INTS6: variants seen among roughly 807,000 people sequenced by gnomAD.
INTS6 encodes the protein DEAD box protein.
In INTS6, 16 loss-of-function variants were observed where a neutral mutation model predicts 104.9. The observed-to-expected ratio is 0.15, with a 90% CI of 0.10 to 0.23. The LOEUF (loss-of-function observed/expected upper bound fraction) is 0.23, where lower values mean the gene tolerates loss of function less well. Among genes scored for constraint, INTS6 ranks in the 10% least tolerant of loss-of-function variants. The pLI is 1.00. For synonymous variants in INTS6, 324 were observed against 358.7 expected, an observed-to-expected ratio of 0.90 and a Z score of 1.09; for missense variants, 584 against 1,062.8, an observed-to-expected ratio of 0.55 and a Z score of 6.26.
At chr13:51,353,620 CG>C (rs767834272), downstream of INTS6, among the ~76,000 whole-genome samples, 2 of 152,118 alleles carry the variant, frequency 1.3e-5, no homozygotes, top group Admixed American at 1.3e-4. Context: ...AAGAAAATTT[CG>C]TAAGAGATAG....
At chr13:51,449,155 A>G (rs1476399726) in intron 3 of INTS6, 1 of 152,208 alleles carries the variant, frequency 6.6e-6, no homozygotes, top group Non-Finnish European at 1.5e-5. Flanking sequence ...TGCTAGTGTC[A>G]TTTTTAATGT....
chr13:51,381,003 G>A (rs569673916), intron 10 of INTS6, among the ~76,000 whole-genome samples: 6 of 151,844 alleles, frequency 4.0e-5, no homozygotes, highest in South Asian at 4.2e-4. Flanking sequence ...GACTGAAAAC[G>A]TTAGGAAAAA....
intron 4 of INTS6, among the ~76,000 whole-genome samples, chr13:51,423,847 T>TA (rs1157012846): frequency 6.6e-6 from 1 of 151,920 alleles, no homozygotes; most frequent in Non-Finnish European, 1.5e-5. Flanking sequence ...TTGTGTAGCT[T>TA]AAAAAAAATT....
chr13:51,375,147 G>T (rs1194420836), intron 13 of INTS6, among the ~76,000 whole-genome samples: 12 of 151,992 alleles, frequency 7.9e-5, no homozygotes, highest in Admixed American at 7.9e-4. Flanking sequence ...TTGAGGTAAG[G>T]AATGAGACCA....
At chr13:51,344,825 C>G in the INTS6 span, among the ~76,000 whole-genome samples, 1 of 152,192 alleles carries the variant, frequency 6.6e-6, no homozygotes. Context: ...CGACTGAGCT[C>G]TGCTCTCATT....
Position 51,453,035 on chromosome 13 carries a change from G to A in INTS6, c.-510C>T. On this transcript the variant is annotated 5_prime_UTR_variant, in exon 1 of 18. Transcript: ENST00000311234. ...TTTCTCAGCCCCTCTCGCTACTGAA[G>A]CGCTTTTCTCTCTCACACTCCGGTT... 9.9e-7 allele frequency: 1 copy of A among 1,009,386 alleles called. No homozygotes were observed. Among genetic ancestry groups the A allele is most frequent in the Non-Finnish European group, 1.2e-6 (1 of 844,984 alleles). 62.5% of individuals were successfully genotyped at this position (1,009,386 alleles called of 1,614,324 possible).
At chr13:51,383,205 C>T in intron 9 of INTS6, 124 bp downstream of exon 9, 1 of 779,362 alleles carries the variant, frequency 1.3e-6, no homozygotes, top group Non-Finnish European at 1.9e-6. Context: ...TAAAGATGTT[C>T]AACATTTTAG....
chr13:51,336,929 A>G, the INTS6 span, among the ~76,000 whole-genome samples: 10 of 152,260 alleles, frequency 6.6e-5, no homozygotes, highest in African/African-American at 2.4e-4. Flanking sequence ...TGTTGCAGCT[A>G]TCAGCCGGGA....
chr13:51,428,216 G>A (rs1440225051), intron 4 of INTS6, among the ~76,000 whole-genome samples: 1 of 151,656 alleles, frequency 6.6e-6, no homozygotes, highest in African/African-American at 2.4e-5. Flanking sequence ...ACATTCAAAA[G>A]ACTTTTAATT....
chr13:51,362,218 C>T lies in INTS6; in HGVS notation c.*3534G>A, dbSNP rs1298018083. 1.9e-6 allele frequency: 1 copy of T among 538,106 alleles called. No homozygotes were observed. The highest frequency in any genetic ancestry group is 2.9e-6 in the Non-Finnish European group (1 of 341,052). The allele number at this position is 538,106 out of a possible 1,614,324, so 33.3% of individuals were successfully genotyped here. A position where few individuals can be genotyped will look rare whatever the true frequency, so the allele number is the denominator to read the frequency against. On this transcript the variant is annotated 3_prime_UTR_variant, in exon 18 of 18. Transcript: ENST00000311234. ...AAAGTAAAATAAATTATAAATCTTGCCCTTTTTTCCCTTTGTCCCCTAGCT... is the reference window on the plus strand; with the variant it reads ...AAAGTAAAATAAATTATAAATCTTGTCCTTTTTTCCCTTTGTCCCCTAGCT...
intron 3 of INTS6, chr13:51,444,950 C>T (rs1952879056): frequency 1.3e-5 from 2 of 151,690 alleles, no homozygotes; most frequent in South Asian, 4.2e-4. Context: ...TAAATTATAC[C>T]ACCATTAAAT....
At chr13:51,411,890 A>G (rs1374270091) in intron 4 of INTS6, among the ~76,000 whole-genome samples, 2 of 152,262 alleles carry the variant, frequency 1.3e-5, no homozygotes, top group African/African-American at 2.4e-5. Flanking sequence ...TAGCTTATTC[A>G]TAATGGTCAA....
intron 3 of INTS6, among the ~76,000 whole-genome samples, chr13:51,432,755 T>C (rs1288451594): frequency 6.6e-6 from 1 of 152,202 alleles, no homozygotes; most frequent in Non-Finnish European, 1.5e-5. Context: ...GCTGGGCTAC[T>C]AGAGTATAAA....
At chr13:51,393,267 G>A (rs1428730052) in intron 5 of INTS6, among the ~76,000 whole-genome samples, 6 of 151,932 alleles carry the variant, frequency 3.9e-5, no homozygotes, top group Admixed American at 1.3e-4. Flanking sequence ...TAGTAGAGAC[G>A]GGGTTTCACC....
In INTS6 at chr13:51,412,558, C is replaced by T. The variant is rs192179813; in HGVS notation, c.430-17075G>A. On this transcript the variant is annotated intron_variant, in intron 4 of 17. Transcript: ENST00000311234. ...AGGTGCTGAGGCTCACAAGCGCACA[C>T]GTGAGCTCTCTCTCTCCCATGGGAG... Among the ~76,000 whole-genome samples the T allele has an allele frequency of 3.6e-3, 554 of 152,250 alleles. 3 individuals carry two copies. The highest frequency in any genetic ancestry group is 6.2e-3 in the Non-Finnish European group (424 of 68,016).
intron 4 of INTS6, among the ~76,000 whole-genome samples, chr13:51,402,161 C>T (rs1956451904): frequency 6.6e-6 from 1 of 152,120 alleles, no homozygotes; most frequent in Non-Finnish European, 1.5e-5. Context: ...TAACAATAAA[C>T]AACAATAGCT....
At chr13:51,431,691 G>A (rs1232325723) in intron 3 of INTS6, among the ~76,000 whole-genome samples, 2 of 152,202 alleles carry the variant, frequency 1.3e-5, no homozygotes, top group East Asian at 1.9e-4. Context: ...CATTCAACTT[G>A]TAAGTGACAC....
chr13:51,415,019 A>C (rs141221535), intron 4 of INTS6, among the ~76,000 whole-genome samples: 1,766 of 152,274 alleles, frequency 0.012, 31 homozygotes, highest in African/African-American at 0.04. Flanking sequence ...CAGTGGAAAA[A>C]GGTATACTAA....
intron 3 of INTS6, chr13:51,443,716 CCCA>C (rs1952840383): frequency 6.6e-6 from 1 of 151,568 alleles, no homozygotes; most frequent in Admixed American, 6.6e-5. Context: ...ATTAAAAAGC[CCCA>C]AAAAACAAGA....
Sources: allele counts gnomAD v4.1 joint callset (sites outside exome capture counted in the v4.1 genomes callset), GRCh38; gene constraint gnomAD v4.1.1; transcripts MANE v1.5; gene names NCBI Gene and HGNC (gene_info 2026-07-23, HGNC 2026-07-21).